Variants in OXSR1 observed in about 807,000 individuals in gnomAD.
The protein encoded by OXSR1 is oxidative stress responsive kinase 1.
A neutral mutation model predicts 79.8 loss-of-function variants in OXSR1; 24 were observed. The ratio of observed to expected loss-of-function variants is 0.30; its 90% CI spans 0.22 to 0.42. OXSR1 has a LOEUF of 0.42. Among genes scored for constraint, OXSR1 ranks in the 10% least tolerant of loss-of-function variants. The pLI is 1.00. For synonymous variants in OXSR1, 226 were observed against 209.2 expected, an observed-to-expected ratio of 1.08 and a Z score of -0.69; for missense variants, 430 against 618.4, an observed-to-expected ratio of 0.70 and a Z score of 3.23.
chr3:38,216,826 G>C (rs1239078028), intron 5 of OXSR1, among the ~76,000 whole-genome samples: 2 of 152,134 alleles, frequency 1.3e-5, no homozygotes, highest in Non-Finnish European at 2.9e-5. Flanking sequence ...TCTTTAAGAA[G>C]ATAATTTAGG....
chr3:38,188,652 G>A (rs934061346), intron 2 of OXSR1, among the ~76,000 whole-genome samples: 2 of 152,104 alleles, frequency 1.3e-5, no homozygotes, highest in Non-Finnish European at 2.9e-5. Flanking sequence ...TCTTTCCGTT[G>A]CTGTTAGGAT....
At chr3:38,176,827 T>C (rs562740539) in intron 1 of OXSR1, among the ~76,000 whole-genome samples, 1 of 152,366 alleles carries the variant, frequency 6.6e-6, no homozygotes, top group African/African-American at 2.4e-5. Flanking sequence ...ATTAGTGAAA[T>C]TGATTCTGTG....
chr3:38,165,438 C>T (rs1278355326), upstream of OXSR1: 2 of 187,758 alleles, frequency 1.1e-5, no homozygotes, highest in Non-Finnish European at 2.2e-5. Context: ...TCCAGCCACA[C>T]TGGAGATGGC....
intron 8 of OXSR1, among the ~76,000 whole-genome samples, chr3:38,225,676 A>G (rs1217160850): frequency 2.0e-5 from 3 of 152,182 alleles, no homozygotes; most frequent in Non-Finnish European, 2.9e-5. Context: ...AAATACCTAG[A>G]AATGCCAGAT....
At chr3:38,247,450 T>C (rs1157994514) in intron 13 of OXSR1, among the ~76,000 whole-genome samples, 1 of 152,182 alleles carries the variant, frequency 6.6e-6, no homozygotes, top group Non-Finnish European at 1.5e-5. Context: ...TTGAGAGTTT[T>C]CTTTCTCATT....
chr3:38,211,446 G>GTGACCTTTTTACTCCTATAAAA (rs1350709949), intron 4 of OXSR1, among the ~76,000 whole-genome samples: 54 of 152,212 alleles, frequency 3.5e-4, no homozygotes, highest in African/African-American at 1.3e-3. Flanking sequence ...CTCCTATAAA[G>GTGACCTTTTTACTCCTATAAAA]TGACCTTTTT....
chr3:38,251,454 G>A lies in OXSR1; in HGVS notation c.1427G>A (p.Gly476Glu), dbSNP rs1703254040. The A allele has an allele frequency of 1.9e-6, 3 of 1,613,074 alleles. No individual in the cohort carries two copies. Among genetic ancestry groups the A allele is most frequent in the African/African-American group, 1.3e-5 (1 of 74,878 alleles). ...CTCATTTCTGCTGGCCTGGTCGACG[G>A]AAGGGATTTAGTAATAGGTAACTCC... ...QELISAGLVD[G>E]RDLVIVAANL... The change falls in exon 16 of 18, where the codon GGA becomes GAA. Residue 476 changes from glycine to glutamate, a missense_variant. By Grantham distance (98) the Gly-to-Glu change is moderately conservative. This residue lies in a region of OXSR1 where 276 missense variants were observed against 354.2 expected (regional missense o/e 0.78). Transcript: ENST00000311806.
chr3:38,164,235 G>C (rs1056829861), upstream of OXSR1, among the ~76,000 whole-genome samples: 4 of 152,060 alleles, frequency 2.6e-5, no homozygotes. Context: ...CATGCTCTCG[G>C]GTCACTGCAA....
At chr3:38,193,463 C>G (rs1266770839) in intron 3 of OXSR1, 3 of 1,180,766 alleles carry the variant, frequency 2.5e-6, no homozygotes, top group Non-Finnish European at 3.4e-6. Flanking sequence ...GCATAATTTT[C>G]TTTATTTGTA....
intron 1 of OXSR1, among the ~76,000 whole-genome samples, chr3:38,174,557 G>A (rs945242434): frequency 3.9e-5 from 6 of 152,168 alleles, no homozygotes; most frequent in Admixed American, 1.3e-4. Context: ...ACTCCAGCCT[G>A]GGTGACAGAA....
In OXSR1 at chr3:38,255,330, G is replaced by A. The variant is rs1703343118; in HGVS notation, c.*2439G>A. 6.6e-6 allele frequency: 1 copy of A among 152,636 alleles called. No homozygotes were observed. The highest frequency in any genetic ancestry group is 6.5e-5 in the Admixed American group (1 of 15,280). The allele number at this position is 152,636 out of a possible 1,614,324, so 9.5% of individuals were successfully genotyped here. A position where few individuals can be genotyped will look rare whatever the true frequency, so the allele number is the denominator to read the frequency against. ...GCTGATAATATTTAATAATCTGGAG[G>A]AGAGAATAATGATGTACCAATAAGT... On this transcript the variant is annotated 3_prime_UTR_variant, in exon 18 of 18. Transcript: ENST00000311806.
chr3:38,215,170 CTTATT>C (rs1702459030), intron 4 of OXSR1, among the ~76,000 whole-genome samples: 2 of 152,084 alleles, frequency 1.3e-5, no homozygotes, highest in South Asian at 2.1e-4. Flanking sequence ...GCACTGGTCT[CTTATT>C]TGATTTGTTC....
At chr3:38,249,882 C>T in intron 14 of OXSR1, 84 bp from the exon 15 acceptor site, 1 of 825,566 alleles carries the variant, frequency 1.2e-6, no homozygotes, top group Non-Finnish European at 2.0e-6. Flanking sequence ...TTTCTTGAGG[C>T]ACAGCTTTCT....
intron 4 of OXSR1, among the ~76,000 whole-genome samples, chr3:38,200,860 T>G (rs550204624): frequency 2.1e-4 from 32 of 152,328 alleles, no homozygotes; most frequent in Admixed American, 1.0e-3. Context: ...TTTTCAGAAA[T>G]GTAGTGATTT....
chr3:38,166,700 A>C (rs1701468112), intron 1 of OXSR1, among the ~76,000 whole-genome samples: 1 of 151,592 alleles, frequency 6.6e-6, no homozygotes, highest in African/African-American at 2.4e-5. Context: ...CTGAGGCAGA[A>C]GAATCCTTGA....
At chr3:38,222,560 C>G (rs978873279) in intron 6 of OXSR1, among the ~76,000 whole-genome samples, 1 of 152,144 alleles carries the variant, frequency 6.6e-6, no homozygotes, top group Non-Finnish European at 1.5e-5. Context: ...GCAGCACATA[C>G]TATTGATCCT....
rs778154420 is a variant in OXSR1, at chr3:38,252,863, T to C, written c.1556T>C (p.Ile519Thr). 1.9e-6 allele frequency: 3 copies of C among 1,613,796 alleles called. No individual in the cohort carries two copies. In the East Asian group the frequency reaches 6.7e-5, roughly 36 times the overall value. ...GATATTCCTGATGATGGTAAACTGA[T>C]AGGATTTGCCCAGCTCAGCATCAGC... ...GSDIPDDGKL[I>T]GFAQLSIS is the part of the protein sequence containing the mutation. The change falls in exon 18 of 18, where the codon ATA (isoleucine) becomes ACA (threonine). Residue 519 changes from isoleucine (I) to threonine (T), a missense_variant. Ile to Thr is a moderately conservative substitution (Grantham distance 89, BLOSUM62 -1). This residue lies in a region of OXSR1 where 276 missense variants were observed against 354.2 expected (regional missense o/e 0.78). Coordinates refer to ENST00000311806, the MANE Select transcript of OXSR1 (RefSeq NM_005109.3).
chr3:38,237,098 C>T, intron 11 of OXSR1, 137 bp downstream of exon 11: 1 of 709,668 alleles, frequency 1.4e-6, no homozygotes, highest in Non-Finnish European at 2.2e-6. Flanking sequence ...CCAGTTAATT[C>T]TGCATGGAAA....
At chr3:38,166,543 A>G (rs11716759) in intron 1 of OXSR1, among the ~76,000 whole-genome samples, 1 of 152,276 alleles carries the variant, frequency 6.6e-6, no homozygotes, top group African/African-American at 2.4e-5. Flanking sequence ...CTGTAATCCC[A>G]CCACTTTGGG....
Sources: allele counts gnomAD v4.1 joint callset (sites outside exome capture counted in the v4.1 genomes callset), GRCh38; gene constraint gnomAD v4.1.1; regional missense constraint gnomAD v4.1.1; transcripts MANE v1.5; gene names NCBI Gene and HGNC (gene_info 2026-07-23, HGNC 2026-07-21).